Variants in DENND1A observed in about 807,000 individuals in gnomAD.
The protein encoded by DENND1A is DENN domain containing 1A, also known as DENN domain-containing protein 1A.
In DENND1A, 51 loss-of-function variants were observed where a neutral mutation model predicts 113.7. The ratio of observed to expected loss-of-function variants is 0.45; its 90% CI spans 0.36 to 0.57. The LOEUF is 0.57. Among genes scored for constraint, DENND1A ranks in the 20% least tolerant of loss-of-function variants. DENND1A has a pLI of 0.00. For synonymous variants in DENND1A, 565 were observed against 570.8 expected (o/e 0.99, Z 0.14); for missense variants, 1,258 against 1,395.9 (o/e 0.90, Z 1.57).
chr9:123,495,144 T>TCC, intron 13 of DENND1A, among the ~76,000 whole-genome samples: 1 of 31,426 alleles, frequency 3.2e-5, no homozygotes, highest in Non-Finnish European at 1.6e-4. Flanking sequence ...TGTCTCTTTC[T>TCC]CTCTCTCTCT....
intron 1 of DENND1A, among the ~76,000 whole-genome samples, chr9:123,913,113 TAAAAAAAAA>T (rs915063969): frequency 2.3e-5 from 2 of 86,712 alleles, no homozygotes; most frequent in Non-Finnish European, 4.7e-5. Context: ...AAAGACAGTT[TAAAAAAAAA>T]AAAAAAAAAA....
chr9:123,382,563 G>A lies in DENND1A; in HGVS notation c.2082C>T (p.His694=), dbSNP rs1421871936. 6.2e-7 allele frequency: 1 copy of A among 1,614,104 alleles called. No individual in the cohort carries two copies. The highest frequency in any genetic ancestry group is 8.5e-7 in the Non-Finnish European group (1 of 1,180,012). The change falls in exon 24 of 24, where the codon CAC becomes CAT. Residue 694 remains histidine (H), a synonymous_variant. Transcript: ENST00000394215. ...CCAGGCTCCAGAGCTTGTTGTACGG[G>A]TGGGTAAGCTTCAAGGCCACTGTCA... ...RGVTVALKLT[H]PYNKLWSLGQ...
intron 2 of DENND1A, among the ~76,000 whole-genome samples, chr9:123,816,308 A>G (rs1304501647): frequency 4.6e-5 from 7 of 152,032 alleles, no homozygotes; most frequent in Non-Finnish European, 1.0e-4. Context: ...AGCTGAAACC[A>G]AATCTTACAA....
chr9:123,506,023 T>C (rs2772206), intron 13 of DENND1A, among the ~76,000 whole-genome samples: 145,969 of 151,978 alleles, frequency 0.96, 70,311 homozygotes, highest in Non-Finnish European at 1. Flanking sequence ...CCAGAAATGA[T>C]AAGCATTCAC....
chr9:123,520,288 C>A (rs556686155), intron 13 of DENND1A, among the ~76,000 whole-genome samples: 15 of 151,730 alleles, frequency 9.9e-5, no homozygotes, highest in Non-Finnish European at 1.3e-4. Flanking sequence ...GAAACCCTGT[C>A]TCTACTAAAA....
At chr9:123,516,343 T>TA (rs2053912092) in intron 13 of DENND1A, among the ~76,000 whole-genome samples, 1 of 151,750 alleles carries the variant, frequency 6.6e-6, no homozygotes, top group Non-Finnish European at 1.5e-5. Flanking sequence ...AGGTTAATAC[T>TA]AAAAAATATA....
intron 13 of DENND1A, among the ~76,000 whole-genome samples, chr9:123,516,340 T>C (rs898924971): frequency 3.3e-5 from 5 of 151,776 alleles, no homozygotes; most frequent in African/African-American, 1.2e-4. Context: ...AGAAGGTTAA[T>C]ACTAAAAAAT....
chr9:123,694,326 A>G (rs570174804), intron 5 of DENND1A, among the ~76,000 whole-genome samples: 1 of 152,276 alleles, frequency 6.6e-6, no homozygotes, highest in African/African-American at 2.4e-5. Flanking sequence ...TTGCTCCTTG[A>G]AAAGAAAAGG....
intron 6 of DENND1A, 73 bp downstream of exon 6, chr9:123,676,647 G>A: frequency 7.1e-7 from 1 of 1,412,520 alleles, no homozygotes; most frequent in Non-Finnish European, 9.8e-7. Context: ...TAAAATATAA[G>A]GCATGTTTTA....
In DENND1A at chr9:123,796,166, G is replaced by C. The variant is rs16926858; in HGVS notation, c.89-3536C>G. ...AGTCCATGCATCTCTTAACCAAAGA[G>C]GCAGGTAGCTCTCAGACAAGGTTTC... On this transcript the variant is annotated intron_variant, in intron 2 of 23. Coordinates refer to ENST00000394215, the MANE Select transcript of DENND1A (RefSeq NM_001352964.2). 3.3e-3 allele frequency among the ~76,000 whole-genome samples: 503 copies of C among 152,292 alleles called. 4 individuals carry two copies. The highest frequency in any genetic ancestry group is 0.012 in the African/African-American group (482 of 41,558).
At position 123,921,486 on chromosome 9, in the gene DENND1A, C is replaced by T. The variant is rs544055978; in HGVS notation, c.17+8403G>A. On this transcript the variant is annotated intron_variant, in intron 1 of 23. Coordinates refer to ENST00000394215, the MANE Select transcript of DENND1A (RefSeq NM_001352964.2). ...TATCTTCTCTAGATTGGTTTCCTTC[C>T]TTCCATTTATTCATACAGCCTATGC... Among the ~76,000 whole-genome samples the T allele has an allele frequency of 2.0e-5, 3 of 152,318 alleles. No homozygotes were observed. The East Asian group carries it at 5.8e-4, about 29-fold the overall frequency.
chr9:123,641,556 A>G (rs1195018977), intron 9 of DENND1A, among the ~76,000 whole-genome samples: 1 of 152,128 alleles, frequency 6.6e-6, no homozygotes, highest in Non-Finnish European at 1.5e-5. Flanking sequence ...ATACTCAGCT[A>G]TGGTCCTTTT....
intron 13 of DENND1A, among the ~76,000 whole-genome samples, chr9:123,498,169 C>A (rs2052119340): frequency 6.6e-6 from 1 of 152,156 alleles, no homozygotes; most frequent in Admixed American, 6.5e-5. Context: ...TTCTGTACAA[C>A]ATAGGAGGGT....
chr9:123,873,983 C>T (rs1237459623), intron 2 of DENND1A, among the ~76,000 whole-genome samples: 6 of 152,000 alleles, frequency 3.9e-5, no homozygotes, highest in South Asian at 2.1e-4. Flanking sequence ...CCTTGTGATC[C>T]GCCCACCTTG....
At chr9:123,409,171 T>C (rs2044113098) in intron 20 of DENND1A, among the ~76,000 whole-genome samples, 1 of 152,104 alleles carries the variant, frequency 6.6e-6, no homozygotes, top group Non-Finnish European at 1.5e-5. Context: ...CTAGGCACCA[T>C]AAAAGGTGCT....
chr9:123,557,500 T>C, intron 13 of DENND1A, 70 bp downstream of exon 13: 1 of 1,570,842 alleles, frequency 6.4e-7, no homozygotes, highest in South Asian at 1.2e-5. Flanking sequence ...ATGGCATTTC[T>C]TGTGGCCCCT....
intron 5 of DENND1A, among the ~76,000 whole-genome samples, chr9:123,677,458 G>A (rs1372420653): frequency 2.0e-5 from 3 of 152,074 alleles, no homozygotes; most frequent in African/African-American, 7.2e-5. Flanking sequence ...TTTTGAGATG[G>A]AGTCTCACTC....
At chr9:123,390,585 T>A (rs558876871) in intron 21 of DENND1A, among the ~76,000 whole-genome samples, 28 of 152,348 alleles carry the variant, frequency 1.8e-4, no homozygotes, top group Middle Eastern at 3.4e-3. Context: ...AGTCCACCCA[T>A]CCATCTGTCC....
chr9:123,434,172 G>T (rs144587377), intron 19 of DENND1A, among the ~76,000 whole-genome samples: 2 of 152,096 alleles, frequency 1.3e-5, no homozygotes, highest in Non-Finnish European at 2.9e-5. Flanking sequence ...GACTACAGGC[G>T]CATGCCATCA....
Sources: gnomAD v4.1 joint callset for allele counts (sites outside exome capture counted in the v4.1 genomes callset) on GRCh38, gnomAD v4.1.1 for gene constraint, MANE v1.5 for transcripts, NCBI Gene and HGNC (gene_info 2026-07-23, HGNC 2026-07-21) for gene names.